OPCML: variants seen among roughly 807,000 people sequenced by gnomAD.
OPCML encodes opioid-binding protein/cell adhesion molecule.
A neutral mutation model predicts 37.8 loss-of-function variants in OPCML; 13 were observed. The ratio of observed to expected loss-of-function variants is 0.34; its 90% CI spans 0.22 to 0.55. OPCML has a LOEUF of 0.55. OPCML is among the 20% of genes least tolerant of loss of function. OPCML has a pLI of 0.91. For missense variants in OPCML, 341 were observed against 435.6 expected (o/e 0.78, Z 1.93); for synonymous variants, 176 against 168.8 (o/e 1.04, Z -0.33).
intron 1 of OPCML, among the ~76,000 whole-genome samples, chr11:133,442,207 C>G (rs985470572): frequency 6.6e-6 from 1 of 152,202 alleles, no homozygotes; most frequent in African/African-American, 2.4e-5. Context: ...AGGTCCTAAA[C>G]CAGTTCACTA....
At chr11:133,316,485 G>A (rs1430704237) in intron 1 of OPCML, among the ~76,000 whole-genome samples, 1 of 152,118 alleles carries the variant, frequency 6.6e-6, no homozygotes, top group African/African-American at 2.4e-5. Flanking sequence ...TCAGGGGAGG[G>A]AGAGCATTAG....
chr11:133,474,872 G>A (rs562895415), intron 1 of OPCML, among the ~76,000 whole-genome samples: 1 of 152,350 alleles, frequency 6.6e-6, no homozygotes, highest in South Asian at 2.1e-4. Flanking sequence ...GCAAGCGCCT[G>A]CTTCCTTCAG....
intron 1 of OPCML, among the ~76,000 whole-genome samples, chr11:133,028,852 G>C (rs1401349093): frequency 6.7e-6 from 1 of 149,340 alleles, no homozygotes; most frequent in Admixed American, 6.7e-5. Context: ...AACAAAAATT[G>C]ACAATTGGGA....
At chr11:133,069,949 C>T (rs1948498168) in intron 1 of OPCML, among the ~76,000 whole-genome samples, 1 of 152,156 alleles carries the variant, frequency 6.6e-6, no homozygotes, top group Non-Finnish European at 1.5e-5. Context: ...TCCTGATGAG[C>T]AAAAGCCAAT....
chr11:132,671,766 G>A (rs1942486070), intron 2 of OPCML, among the ~76,000 whole-genome samples: 1 of 151,946 alleles, frequency 6.6e-6, no homozygotes, highest in Non-Finnish European at 1.5e-5. Context: ...AGTAGGGAAA[G>A]TCGAGTTTCC....
At chr11:132,742,655 T>C (rs1945469751) in intron 2 of OPCML, among the ~76,000 whole-genome samples, 1 of 151,522 alleles carries the variant, frequency 6.6e-6, no homozygotes, top group East Asian at 1.9e-4. Flanking sequence ...AATGCAAAAG[T>C]TGTGATGGCT....
intron 2 of OPCML, among the ~76,000 whole-genome samples, chr11:132,902,863 A>G (rs909760467): frequency 1.4e-4 from 22 of 152,122 alleles, no homozygotes. Context: ...TAGACTTTTC[A>G]TCTATTCTCA....
chr11:133,132,142 G>A (rs1257151704), intron 1 of OPCML, among the ~76,000 whole-genome samples: 1 of 152,112 alleles, frequency 6.6e-6, no homozygotes, highest in Non-Finnish European at 1.5e-5. Context: ...AGCTAATAAA[G>A]AACTTGTAGA....
chr11:133,016,856 G>A (rs1947344432), intron 1 of OPCML, among the ~76,000 whole-genome samples: 1 of 152,174 alleles, frequency 6.6e-6, no homozygotes, highest in African/African-American at 2.4e-5. Flanking sequence ...CGTTTATAAT[G>A]AGGCCTATGT....
At chr11:133,351,765 T>TCACA (rs145511527) in intron 1 of OPCML, among the ~76,000 whole-genome samples, 4 of 151,040 alleles carry the variant, frequency 2.6e-5, no homozygotes, top group South Asian at 2.1e-4. Context: ...TTCTCATACT[T>TCACA]CACACACACA....
At chr11:133,125,700 ATATATAGTGTATATATATG>A (rs1949494278) in intron 1 of OPCML, among the ~76,000 whole-genome samples, 2 of 27,208 alleles carry the variant, frequency 7.4e-5, no homozygotes, top group Admixed American at 3.5e-4. Context: ...TATATAGTAT[ATATATAGTGTATATATATG>A]TATATAGTAT....
At chr11:133,161,119 G>C (rs1227684490) in intron 1 of OPCML, among the ~76,000 whole-genome samples, 1 of 152,210 alleles carries the variant, frequency 6.6e-6, no homozygotes, top group Non-Finnish European at 1.5e-5. Flanking sequence ...AGGATGTTCA[G>C]ACAAGCCAGG....
At chr11:133,101,967 A>G (rs889212408) in intron 1 of OPCML, among the ~76,000 whole-genome samples, 1 of 152,200 alleles carries the variant, frequency 6.6e-6, no homozygotes, top group African/African-American at 2.4e-5. Context: ...CCAATCTGTA[A>G]AAACTATGTA....
Position 133,020,854 on chromosome 11 carries a change from T to C in OPCML, c.62-77844A>G, listed in dbSNP as rs532561591. ...AAACAAATCTCAGTAAGAAACTTTT[T>C]TTTTCTATGTTTTTTGGAAAATCTT... On this transcript the variant is annotated intron_variant, in intron 1 of 7. Transcript: ENST00000524381. Among the ~76,000 whole-genome samples the C allele has an allele frequency of 2.6e-5, 4 of 152,346 alleles. No homozygotes were observed. In the East Asian group the frequency reaches 5.8e-4, roughly 22 times the overall value.
At position 132,958,657 on chromosome 11, in the gene OPCML, A is replaced by T. The variant is rs76030893; in HGVS notation, c.62-15647T>A. ...TGACTTTAAGTGAAAACCAATACTC[A>T]TTTATCATTCTGAAAATCCTAGGGC... On this transcript the variant is annotated intron_variant, in intron 1 of 7. Transcript: ENST00000524381. Among the ~76,000 whole-genome samples, 210 of 152,324 alleles carry T rather than the reference A, an allele frequency of 1.4e-3. 2 individuals carry two copies. The highest frequency in any genetic ancestry group is 4.7e-3 in the African/African-American group (197 of 41,572).
At chr11:132,922,887 A>C (rs1591806978) in intron 2 of OPCML, among the ~76,000 whole-genome samples, 1 of 151,476 alleles carries the variant, frequency 6.6e-6, no homozygotes, top group South Asian at 2.1e-4. Flanking sequence ...CTAGCAACGC[A>C]GGGAGACCAC....
rs1950317088 is a variant in OPCML, at chr11:133,173,572, G to GCATTCAAATCACATCAC, written c.62-230579_62-230563dup. ...GTTTCCCCAAAGGAGGAAGCCACCA[G>GCATTCAAATCACATCAC]CATTCAAATCACATCACCTTTCAAA... On this transcript the variant is annotated intron_variant, in intron 1 of 7. Transcript: ENST00000524381. This position sits in a 1 kb window ranked among gnomAD's most constrained non-coding sequence, Gnocchi z 7.8. Among the ~76,000 whole-genome samples, 1 of 152,152 alleles carries GCATTCAAATCACATCAC rather than the reference G, an allele frequency of 6.6e-6. No homozygotes were observed.
At chr11:133,517,312 T>C (rs768417415) in intron 1 of OPCML, among the ~76,000 whole-genome samples, 1 of 152,266 alleles carries the variant, frequency 6.6e-6, no homozygotes, top group Non-Finnish European at 1.5e-5. Context: ...ATATACATCA[T>C]TTATACATGC....
intron 1 of OPCML, among the ~76,000 whole-genome samples, chr11:133,464,628 G>A (rs985210256): frequency 3.9e-5 from 6 of 152,100 alleles, no homozygotes; most frequent in Non-Finnish European, 8.8e-5. Context: ...AAAGGCCCAC[G>A]GCAAGAAAGA....
Sources: gnomAD v4.1 joint callset for allele counts (sites outside exome capture counted in the v4.1 genomes callset) on GRCh38, gnomAD v4.1.1 for gene constraint, Gnocchi (gnomAD v3.1) non-coding constraint, MANE v1.5 for transcripts, NCBI Gene and HGNC (gene_info 2026-07-23, HGNC 2026-07-21) for gene names.